Variants in TAFA2 observed in about 807,000 individuals in gnomAD.
The protein encoded by TAFA2 is chemokine-like protein TAFA-2.
Under a neutral mutation model 18.8 loss-of-function variants are expected in TAFA2, and 7 were observed. The ratio of observed to expected loss-of-function variants is 0.37; its 90% CI spans 0.21 to 0.70. TAFA2 has a LOEUF of 0.70. Among genes scored for constraint, TAFA2 ranks in the 30% least tolerant of loss-of-function variants. The pLI, the probability that TAFA2 is intolerant of heterozygous loss-of-function variation, is 0.53. For missense variants in TAFA2, 122 were observed against 158.1 expected (o/e 0.77, Z 1.23); for synonymous variants, 60 against 54.2 (o/e 1.11, Z -0.47).
chr12:61,826,350 G>A (rs1872536864), intron 2 of TAFA2, among the ~76,000 whole-genome samples: 1 of 151,794 alleles, frequency 6.6e-6, no homozygotes, highest in Non-Finnish European at 1.5e-5. Flanking sequence ...GTGTGTGTGT[G>A]TGTGTGTGTG....
intron 1 of TAFA2, among the ~76,000 whole-genome samples, chr12:62,088,876 TTCTTTC>T (rs914016403): frequency 6.8e-5 from 9 of 131,444 alleles, no homozygotes; most frequent in African/African-American, 2.5e-4. Context: ...ACATATGTTT[TTCTTTC>T]TCTCTCTCTC....
At chr12:62,072,590 G>A (rs936107861) in intron 1 of TAFA2, among the ~76,000 whole-genome samples, 1 of 151,904 alleles carries the variant, frequency 6.6e-6, no homozygotes, top group Admixed American at 6.6e-5. Context: ...AGACCAACCT[G>A]GGCAACATGG....
intron 2 of TAFA2, among the ~76,000 whole-genome samples, chr12:61,784,078 G>A (rs899740524): frequency 4.0e-5 from 6 of 151,468 alleles, no homozygotes; most frequent in African/African-American, 1.2e-4. Context: ...GGGGAGCTAT[G>A]TTTTCTCCTG....
At chr12:62,006,149 A>C (rs564901959) in intron 1 of TAFA2, among the ~76,000 whole-genome samples, 1 of 152,284 alleles carries the variant, frequency 6.6e-6, no homozygotes, top group Admixed American at 6.5e-5. Flanking sequence ...TACTGACTAG[A>C]TCCTAAATTT....
chr12:62,215,618 A>G (rs2062731319), intron 1 of TAFA2, among the ~76,000 whole-genome samples: 1 of 141,018 alleles, frequency 7.1e-6, no homozygotes, highest in South Asian at 2.2e-4. Flanking sequence ...AAGAGAAACA[A>G]CTCGTTTATC....
At chr12:62,236,236 GT>G (rs1369429517) in intron 1 of TAFA2, among the ~76,000 whole-genome samples, 6 of 150,334 alleles carry the variant, frequency 4.0e-5, no homozygotes, top group African/African-American at 9.8e-5. Context: ...TTACCAGCGA[GT>G]TTATGCCTTC....
intron 1 of TAFA2, among the ~76,000 whole-genome samples, chr12:62,045,520 G>C (rs1881887034): frequency 6.6e-6 from 1 of 152,096 alleles, no homozygotes; most frequent in African/African-American, 2.4e-5. Flanking sequence ...AAGTGCTGTG[G>C]ATTCTGAAAT....
At chr12:62,063,714 A>G (rs1882411562) in intron 1 of TAFA2, among the ~76,000 whole-genome samples, 1 of 152,212 alleles carries the variant, frequency 6.6e-6, no homozygotes, top group Non-Finnish European at 1.5e-5. Flanking sequence ...GTTATGGTTA[A>G]TAGAGACATA....
At chr12:62,123,958 T>C (rs1200111148) in intron 1 of TAFA2, among the ~76,000 whole-genome samples, 1 of 152,092 alleles carries the variant, frequency 6.6e-6, no homozygotes, top group Non-Finnish European at 1.5e-5. Flanking sequence ...TCATCAAATA[T>C]TCTCCTGTTT....
chr12:62,229,288 T>C (rs1017815681), intron 1 of TAFA2, among the ~76,000 whole-genome samples: 1 of 152,148 alleles, frequency 6.6e-6, no homozygotes, highest in African/African-American at 2.4e-5. Context: ...CCTTTTTGTC[T>C]TTTTCCAGAT....
At chr12:61,902,172 G>A (rs140753682) in intron 1 of TAFA2, among the ~76,000 whole-genome samples, 2,304 of 149,122 alleles carry the variant, frequency 0.015, 61 homozygotes, top group African/African-American at 0.053. Flanking sequence ...CTGTTACACC[G>A]AGGCTGTCTA....
At position 61,836,756 on chromosome 12, in the gene TAFA2, T is replaced by C. The variant is rs183669421; in HGVS notation, c.106+30564A>G. On this transcript the variant is annotated intron_variant, in intron 2 of 4. Transcript: ENST00000416284. ...TGATATATATATATATATATATATA[T>C]ACACACACACACACAAATACATATA... Among the ~76,000 whole-genome samples, 458 of 119,618 alleles carry C rather than the reference T, an allele frequency of 3.8e-3. 3 individuals are homozygous for C. The highest frequency in any genetic ancestry group is 8.2e-3 in the African/African-American group (294 of 36,022). The allele number at this position is 119,618 out of a possible 152,430, so 78.5% of individuals were successfully genotyped here. A position where few individuals can be genotyped will look rare whatever the true frequency, so the allele number is the denominator to read the frequency against.
chr12:61,958,349 C>T (rs942950680), intron 1 of TAFA2, among the ~76,000 whole-genome samples: 9 of 152,046 alleles, frequency 5.9e-5, no homozygotes, highest in East Asian at 5.8e-4. Flanking sequence ...TTTTCTTATA[C>T]GTATATGCTT....
chr12:62,103,265 T>G (rs1416152247), intron 1 of TAFA2, among the ~76,000 whole-genome samples: 1 of 152,252 alleles, frequency 6.6e-6, no homozygotes, highest in East Asian at 1.9e-4. Context: ...CACTGACTAC[T>G]TCTTCAAATC....
In TAFA2 at chr12:61,854,073, G is replaced by A. The variant is rs140490178; in HGVS notation, c.106+13247C>T. Among the ~76,000 whole-genome samples, 93 of 152,278 alleles carry A rather than the reference G, an allele frequency of 6.1e-4. 3 individuals are homozygous for A. In the East Asian group the frequency reaches 0.018, roughly 29 times the overall value. ...CTCAGTTTTTACAAGAGATTTCAGA[G>A]TAGACAGTTTGGAATTATCAATTAT... On this transcript the variant is annotated intron_variant, in intron 2 of 4. Coordinates refer to ENST00000416284, the MANE Select transcript of TAFA2 (RefSeq NM_178539.5).
chr12:61,719,628 A>G (rs572420208), intron 4 of TAFA2, among the ~76,000 whole-genome samples: 10 of 152,258 alleles, frequency 6.6e-5, no homozygotes, highest in Admixed American at 1.3e-4. Context: ...TAACAGCTTC[A>G]TCTCCTGTGT....
Position 61,927,641 on chromosome 12 carries a change from C to T in TAFA2, c.-1-60215G>A, listed in dbSNP as rs536359366. ...CCATCAAGCTACCATTGACTTTCTT[C>T]ACAGAATTAGAAGAACTACTTTAAA... On this transcript the variant is annotated intron_variant, in intron 1 of 4. Transcript: ENST00000416284. Among the ~76,000 whole-genome samples the T allele has an allele frequency of 2.6e-5, 4 of 152,256 alleles. No homozygotes were observed. In the South Asian group the frequency reaches 6.2e-4, roughly 24 times the overall value.
chr12:61,858,413 AT>A (rs1280434523), intron 2 of TAFA2, among the ~76,000 whole-genome samples: 5 of 152,154 alleles, frequency 3.3e-5, no homozygotes, highest in Admixed American at 2.0e-4. Context: ...ATTGAAAAAA[AT>A]ATTATTACAT....
intron 1 of TAFA2, among the ~76,000 whole-genome samples, chr12:62,254,080 T>C (rs1314028167): frequency 6.6e-6 from 1 of 152,240 alleles, no homozygotes; most frequent in East Asian, 1.9e-4. Flanking sequence ...TTTGTAATTG[T>C]GTTTCTTTGA....
Sources: allele counts gnomAD v4.1 joint callset (sites outside exome capture counted in the v4.1 genomes callset), GRCh38; gene constraint gnomAD v4.1.1; transcripts MANE v1.5; gene names NCBI Gene and HGNC (gene_info 2026-07-23, HGNC 2026-07-21).